DYSF: variants seen among roughly 807,000 people sequenced by gnomAD.
The protein encoded by DYSF is dystrophy-associated fer-1-like 1.
A neutral mutation model predicts 274.9 loss-of-function variants in DYSF; 212 were observed. The observed-to-expected ratio is 0.77, with a 90% CI of 0.69 to 0.86. The LOEUF is 0.86. Among genes scored for constraint, DYSF ranks in the 40% least tolerant of loss-of-function variants. The probability of loss-of-function intolerance (pLI) is 0.00; values close to 1 mark genes in which losing one functional copy is unlikely to be tolerated. For synonymous variants in DYSF, 1,091 were observed against 1,078.7 expected (o/e 1.01, Z -0.22); for missense variants, 2,666 against 2,783.2 (o/e 0.96, Z 0.95).
At chr2:71,470,891 G>A (rs1462903944) in intron 1 of DYSF, among the ~76,000 whole-genome samples, 3 of 150,214 alleles carry the variant, frequency 2.0e-5, no homozygotes, top group African/African-American at 4.9e-5. Context: ...TCCCAGGTTC[G>A]AGTGATTCTC....
intron 30 of DYSF, among the ~76,000 whole-genome samples, chr2:71,579,418 C>A (rs919538784): frequency 6.6e-6 from 1 of 152,124 alleles, no homozygotes; most frequent in African/African-American, 2.4e-5. Flanking sequence ...TAAAGGCGTG[C>A]CTGATCTGCC....
At chr2:71,573,808 TC>T (rs1448562045) in intron 29 of DYSF, among the ~76,000 whole-genome samples, 3 of 151,978 alleles carry the variant, frequency 2.0e-5, no homozygotes, top group Non-Finnish European at 4.4e-5. Flanking sequence ...TCCTGATTTT[TC>T]TTTTTCTTTT....
At chr2:71,609,342 T>C (rs2093705723) in intron 36 of DYSF, among the ~76,000 whole-genome samples, 1 of 152,130 alleles carries the variant, frequency 6.6e-6, no homozygotes, top group Non-Finnish European at 1.5e-5. Flanking sequence ...AAATGATAAG[T>C]TTTTTTGCTT....
chr2:71,642,542 A>G (rs1175094511), intron 41 of DYSF, among the ~76,000 whole-genome samples: 2 of 152,198 alleles, frequency 1.3e-5, no homozygotes, highest in Non-Finnish European at 2.9e-5. Context: ...AAGCTCTGCC[A>G]TGCTGTACGC....
At position 71,479,627 on chromosome 2, in the gene DYSF, T is replaced by C. The variant is rs2082720724; in HGVS notation, c.92-1256T>C. On this transcript the variant is annotated intron_variant, in intron 1 of 55. Transcript: ENST00000410020. ...GGAGGGTCTCCTTGTGCGTCTCCTT[T>C]GCCACCTTTCTTTCAAGCCTCACCT... Among the ~76,000 whole-genome samples, 3 of 152,210 alleles carry C rather than the reference T, an allele frequency of 2.0e-5. No individual in the cohort carries two copies. In the South Asian group the frequency reaches 6.2e-4, roughly 32 times the overall value.
chr2:71,665,119 T>C lies in DYSF; in HGVS notation c.5175-43T>C, dbSNP rs760467864. The stretch of plus-strand genomic sequence containing the variant: ...CTGCATGCCCCTCTACCCTCATGAG[T>C]GTCCTTGAAGCATCTCATCTATGTC... On this transcript the variant is annotated intron_variant, in intron 46 of 55. Transcript: ENST00000410020. The C allele has an allele frequency of 6.8e-6, 11 of 1,611,512 alleles. No homozygotes were observed. The East Asian group carries it at 2.0e-4, about 29-fold the overall frequency.
At chr2:71,578,592 G>A (rs1280744855) in intron 30 of DYSF, among the ~76,000 whole-genome samples, 1 of 152,204 alleles carries the variant, frequency 6.6e-6, no homozygotes, top group Non-Finnish European at 1.5e-5. Flanking sequence ...TGTCTAATGA[G>A]GGGAGGCTTC....
At chr2:71,550,450 G>T (rs116329230) in intron 17 of DYSF, among the ~76,000 whole-genome samples, 1 of 152,196 alleles carries the variant, frequency 6.6e-6, no homozygotes, top group Non-Finnish European at 1.5e-5. Context: ...AGGCAAGGCC[G>T]TTAGGGCAGA....
At position 71,612,797 on chromosome 2, in the gene DYSF, G is replaced by A; in HGVS notation, c.4378G>A (p.Gly1460Ser). 1 of 1,612,128 alleles carries A rather than the reference G, an allele frequency of 6.2e-7. No homozygotes were observed. The change falls in exon 39 of 56, where the codon GGT (glycine) becomes AGT (serine). Residue 1460 changes from glycine to serine, a missense_variant. Transcript: ENST00000410020. The part of the protein sequence containing the change: ...PYSAESPSPQ[G>S]GPDDVSLLSP... ...CTCGGCGGAGAGTCCATCCCCACAG[G>A]GTGGCCCAGGTAGGGGAAGGGGAGA...
intron 3 of DYSF, among the ~76,000 whole-genome samples, chr2:71,502,364 G>C (rs1328689951): frequency 2.0e-5 from 3 of 152,158 alleles, no homozygotes; most frequent in African/African-American, 7.2e-5. Flanking sequence ...ACATGGCCTT[G>C]TGCCCTGACA....
At chr2:71,608,926 C>G (rs2093697568) in intron 36 of DYSF, among the ~76,000 whole-genome samples, 1 of 151,592 alleles carries the variant, frequency 6.6e-6, no homozygotes, top group African/African-American at 2.4e-5. Flanking sequence ...GCTGTTCCCT[C>G]CCTGATGGTT....
chr2:71,517,921 T>C (rs1346949098), intron 10 of DYSF, among the ~76,000 whole-genome samples: 1 of 152,146 alleles, frequency 6.6e-6, no homozygotes, highest in East Asian at 1.9e-4. Context: ...AAGACCCTTA[T>C]TTGTAATTTG....
chr2:71,470,890 C>T (rs886081116), intron 1 of DYSF, among the ~76,000 whole-genome samples: 4 of 151,000 alleles, frequency 2.6e-5, no homozygotes, highest in East Asian at 4.0e-4. Flanking sequence ...CTCCCAGGTT[C>T]GAGTGATTCT....
rs556133929 is a variant in DYSF, at chr2:71,593,547, C to T, written c.3574+3259C>T. 4.6e-5 allele frequency among the ~76,000 whole-genome samples: 7 copies of T among 152,324 alleles called. No individual in the cohort carries two copies. In the South Asian group the frequency reaches 1.0e-3, roughly 23 times the overall value. ...CTATGACTTGAGAGGACTTAGAACA[C>T]GTCACCAACACCACACCTAGCTCCG... On this transcript the variant is annotated intron_variant, in intron 32 of 55. Coordinates refer to ENST00000410020, the MANE Select transcript of DYSF (RefSeq NM_001130987.2).
chr2:71,549,258 C>A, intron 17 of DYSF: 1 of 1,280,648 alleles, frequency 7.8e-7, no homozygotes, highest in Non-Finnish European at 1.1e-6. Flanking sequence ...ATCTGTCTGC[C>A]TGCCAGCTCT....
chr2:71,492,216 G>A (rs1230586115), intron 3 of DYSF, among the ~76,000 whole-genome samples: 1 of 152,208 alleles, frequency 6.6e-6, no homozygotes, highest in Non-Finnish European at 1.5e-5. Context: ...CAGGCCCTGG[G>A]GAATCAGATA....
Position 71,550,668 on chromosome 2 carries a change from C to T in DYSF, c.1577-373C>T, listed in dbSNP as rs541114759. Among the ~76,000 whole-genome samples the T allele has an allele frequency of 5.3e-5, 8 of 152,282 alleles. No homozygotes were observed. The East Asian group carries it at 1.2e-3, about 22-fold the overall frequency. On this transcript the variant is annotated intron_variant, in intron 17 of 55. Coordinates refer to ENST00000410020, the MANE Select transcript of DYSF (RefSeq NM_001130987.2). Reference sequence around the variant, plus strand: ...GGGTGGGGCTGGGGAGGGGCACGAGCAGTGGAGGGCCTCAAACCCCAACTT... The same window carrying T: ...GGGTGGGGCTGGGGAGGGGCACGAGTAGTGGAGGGCCTCAAACCCCAACTT...
rs905160559 is a variant in DYSF at position 71,549,218 on chromosome 2, A to G, written c.1577-1823A>G. On this transcript the variant is annotated intron_variant, in intron 17 of 55. Transcript: ENST00000410020. The stretch of plus-strand genomic sequence containing the variant: ...GGCAGAGGGTGGGGCCTCGGGCCAC[A>G]TCTGTTTCACACCCGGGAGCTGTCT... 3.5e-5 allele frequency: 30 copies of G among 848,856 alleles called. No individual in the cohort carries two copies. In the Middle Eastern group the frequency reaches 6.6e-4, roughly 19 times the overall value. 52.6% of individuals were successfully genotyped at this position (848,856 alleles called of 1,614,324 possible).
chr2:71,646,727 C>T (rs2094573037), intron 42 of DYSF, among the ~76,000 whole-genome samples: 1 of 152,096 alleles, frequency 6.6e-6, no homozygotes. Context: ...AAGAACAAAA[C>T]ATCTTAATGT....
Sources: gnomAD v4.1 joint callset for allele counts (sites outside exome capture counted in the v4.1 genomes callset) on GRCh38, gnomAD v4.1.1 for gene constraint, MANE v1.5 for transcripts, NCBI Gene and HGNC (gene_info 2026-07-23, HGNC 2026-07-21) for gene names.